Variants in MTMR12 observed in about 807,000 individuals in gnomAD.
MTMR12 encodes myotubularin-related protein 12.
In MTMR12, 33 loss-of-function variants were observed where a neutral mutation model predicts 96.7. The observed-to-expected ratio is 0.34, with a 90% CI of 0.26 to 0.46. The LOEUF is 0.46. Among genes scored for constraint, MTMR12 ranks in the 20% least tolerant of loss-of-function variants. The probability of loss-of-function intolerance (pLI) is 1.00; values close to 1 mark genes in which losing one functional copy is unlikely to be tolerated. For synonymous variants in MTMR12, 298 were observed against 327.2 expected, an observed-to-expected ratio of 0.91 and a Z score of 0.96; for missense variants, 721 against 896.1, an observed-to-expected ratio of 0.80 and a Z score of 2.49.
intron 1 of MTMR12, among the ~76,000 whole-genome samples, chr5:32,303,287 C>CAGTA (rs1436922387): frequency 1.3e-5 from 2 of 152,164 alleles, no homozygotes; most frequent in African/African-American, 4.8e-5. Context: ...ACTGGCATTA[C>CAGTA]AGCTAGTATG....
intron 11 of MTMR12, 66 bp downstream of exon 11, chr5:32,243,455 G>A (rs536166729): frequency 6.1e-5 from 66 of 1,086,362 alleles, no homozygotes; most frequent in South Asian, 5.6e-4. Flanking sequence ...ATTATTTGTC[G>A]GTTTGATCTA....
chr5:32,306,581 C>T (rs1751375337), intron 1 of MTMR12, among the ~76,000 whole-genome samples: 1 of 152,040 alleles, frequency 6.6e-6, no homozygotes, highest in African/African-American at 2.4e-5. Flanking sequence ...ATTTTTTACT[C>T]TTCTCAATCT....
intron 1 of MTMR12, among the ~76,000 whole-genome samples, chr5:32,311,542 G>A (rs911413212): frequency 6.6e-6 from 1 of 152,210 alleles, no homozygotes; most frequent in African/African-American, 2.4e-5. Context: ...GAAGACATCT[G>A]CAACAAATTT....
At chr5:32,250,270 G>C (rs887755644) in intron 8 of MTMR12, among the ~76,000 whole-genome samples, 1 of 151,794 alleles carries the variant, frequency 6.6e-6, no homozygotes, top group African/African-American at 2.4e-5. Context: ...AACAGGCCTG[G>C]CACTCTAGAA....
Position 32,312,507 on chromosome 5 carries a change from C to T in MTMR12, c.81+251G>A, listed in dbSNP as rs1283596141. Among the ~76,000 whole-genome samples the T allele has an allele frequency of 6.6e-6, 1 of 152,180 alleles. No individual in the cohort carries two copies. The highest frequency in any genetic ancestry group is 6.5e-5 in the Admixed American group (1 of 15,288). ...TCCGGGCCGCAATCCCTTCTCGGCT[C>T]GGGCCCCTCCACCAGCCTCCAGCGC... On this transcript the variant is annotated intron_variant, in intron 1 of 15. Coordinates refer to ENST00000382142, the MANE Select transcript of MTMR12 (RefSeq NM_001040446.3). The surrounding 1 kb of genome is among the most constrained non-coding windows in gnomAD (Gnocchi z 5.0).
At chr5:32,300,846 G>A (rs552034357) in intron 1 of MTMR12, among the ~76,000 whole-genome samples, 29 of 152,166 alleles carry the variant, frequency 1.9e-4, no homozygotes, top group Non-Finnish European at 3.4e-4. Context: ...AGGCCAAGAC[G>A]GGTAAATCAC....
chr5:32,265,313 T>C (rs1749546887), intron 6 of MTMR12, among the ~76,000 whole-genome samples: 2 of 152,198 alleles, frequency 1.3e-5, no homozygotes, highest in East Asian at 1.9e-4. Context: ...TATTAATACA[T>C]ATCCTGGGCC....
At chr5:32,310,088 G>A (rs1344250969) in intron 1 of MTMR12, among the ~76,000 whole-genome samples, 1 of 152,212 alleles carries the variant, frequency 6.6e-6, no homozygotes, top group Non-Finnish European at 1.5e-5. Flanking sequence ...GCTGAGGCAG[G>A]AGGATTGCTT....
chr5:32,279,490 G>C (rs11739010), intron 1 of MTMR12, among the ~76,000 whole-genome samples: 6,507 of 152,160 alleles, frequency 0.043, 174 homozygotes, highest in Non-Finnish European at 0.059. Context: ...TCGCTGCTAT[G>C]TACCAATTCT....
chr5:32,296,031 T>C (rs1750908287), intron 1 of MTMR12, among the ~76,000 whole-genome samples: 1 of 152,110 alleles, frequency 6.6e-6, no homozygotes, highest in Admixed American at 6.5e-5. Flanking sequence ...TGGTGGCACA[T>C]GCCTGAAATC....
At chr5:32,273,164 C>T (rs1749905717) in intron 3 of MTMR12, among the ~76,000 whole-genome samples, 1 of 152,098 alleles carries the variant, frequency 6.6e-6, no homozygotes, top group Non-Finnish European at 1.5e-5. Context: ...CTTTGAGAGG[C>T]CAAAGCGGGT....
At chr5:32,298,273 G>A (rs1418508209) in intron 1 of MTMR12, among the ~76,000 whole-genome samples, 2 of 152,188 alleles carry the variant, frequency 1.3e-5, no homozygotes, top group Non-Finnish European at 2.9e-5. Context: ...AAACACAGAC[G>A]GATCACCACA....
intron 8 of MTMR12, 62 bp from the exon 9 acceptor site, chr5:32,248,940 G>T: frequency 7.7e-7 from 1 of 1,305,268 alleles, no homozygotes. Flanking sequence ...GGACACATAA[G>T]CTTAGCATTT....
intron 1 of MTMR12, among the ~76,000 whole-genome samples, chr5:32,280,517 T>A (rs1034404862): frequency 5.9e-5 from 9 of 152,222 alleles, no homozygotes; most frequent in African/African-American, 1.9e-4. Context: ...GAAAAATGAA[T>A]TTGCATCTAC....
At chr5:32,302,648 C>T (rs1226172145) in intron 1 of MTMR12, among the ~76,000 whole-genome samples, 5 of 151,274 alleles carry the variant, frequency 3.3e-5, no homozygotes, top group South Asian at 4.2e-4. Flanking sequence ...ACCCGGCAGG[C>T]GGAGGTTGCA....
chr5:32,305,651 C>T (rs1323831841), intron 1 of MTMR12, among the ~76,000 whole-genome samples: 2 of 152,024 alleles, frequency 1.3e-5, no homozygotes. Context: ...CGCCTGTAAT[C>T]CCAGCACTTT....
intron 1 of MTMR12, among the ~76,000 whole-genome samples, chr5:32,300,498 G>A (rs1190225909): frequency 2.0e-5 from 3 of 151,870 alleles, no homozygotes; most frequent in Non-Finnish European, 1.5e-5. Flanking sequence ...TTCCTCAGTT[G>A]CTCCTCTGTA....
At chr5:32,300,108 T>A (rs549157572) in intron 1 of MTMR12, among the ~76,000 whole-genome samples, 1 of 152,328 alleles carries the variant, frequency 6.6e-6, no homozygotes, top group African/African-American at 2.4e-5. Context: ...AGCTCCTGAG[T>A]GCACAGACTG....
chr5:32,228,554 GTGAT>G lies in MTMR12; in HGVS notation c.*1220_*1223del, dbSNP rs1229867757. 39 of 122,862 alleles carry G rather than the reference GTGAT, an allele frequency of 3.2e-4. No individual in the cohort carries two copies. The highest frequency in any genetic ancestry group is 1.2e-3 in the South Asian group (5 of 4,200). 7.6% of individuals were successfully genotyped at this position (122,862 alleles called of 1,614,324 possible). A position where few individuals can be genotyped will look rare whatever the true frequency, so the allele number is the denominator to read the frequency against. ...TATATGATATATATATCATATATAT[GTGAT>G]ATATATATATCATATATATATCATA... On this transcript the variant is annotated 3_prime_UTR_variant, in exon 16 of 16. Coordinates refer to ENST00000382142, the MANE Select transcript of MTMR12 (RefSeq NM_001040446.3).
Sources: gnomAD v4.1 joint callset for allele counts (sites outside exome capture counted in the v4.1 genomes callset) on GRCh38, gnomAD v4.1.1 for gene constraint, Gnocchi (gnomAD v3.1) non-coding constraint, MANE v1.5 for transcripts, NCBI Gene and HGNC (gene_info 2026-07-23, HGNC 2026-07-21) for gene names.